Variants in ADGRE1 observed in about 807,000 individuals in gnomAD.
ADGRE1 encodes the protein EGF-like module receptor 1.
Under a neutral mutation model 102.7 loss-of-function variants are expected in ADGRE1, and 82 were observed. The ratio of observed to expected loss-of-function variants is 0.80; its 90% confidence interval spans 0.67 to 0.96. ADGRE1 has a LOEUF of 0.96. ADGRE1 is among the 40% of genes least tolerant of loss of function. The pLI is 0.00. For synonymous variants in ADGRE1, 398 were observed against 399.6 expected (o/e 1.00, Z 0.05); for missense variants, 1,032 against 1,085.3 (o/e 0.95, Z 0.69).
chr19:6,923,530 T>C (rs1421728945), intron 14 of ADGRE1, among the ~76,000 whole-genome samples: 3 of 152,000 alleles, frequency 2.0e-5, no homozygotes, highest in Non-Finnish European at 4.4e-5. Flanking sequence ...TTTTCTTTCT[T>C]TTTCTTTTTC....
chr19:6,896,438 C>T lies in ADGRE1; in HGVS notation c.135C>T (p.Ala45=). ...ACAGTACCTTGTGCCCAGCTTATGC[C>T]ACCTGCACCAATACAGTGGACAGTT... The part of the protein sequence containing the change: ...CRDSTLCPAY[A]TCTNTVDSYY... Residue 45 remains alanine, a synonymous_variant, in exon 3 of 21, where the codon GCC becomes GCT. Transcript: ENST00000312053. The T allele has an allele frequency of 6.2e-7, 1 of 1,614,110 alleles. No individual in the cohort carries two copies. Among genetic ancestry groups the T allele is most frequent in the Non-Finnish European group, 8.5e-7 (1 of 1,179,990 alleles).
At position 6,919,806 on chromosome 19, in the gene ADGRE1, C is replaced by T. The variant is rs1974565429; in HGVS notation, c.1620+59C>T. 23 of 1,534,024 alleles carry T rather than the reference C, an allele frequency of 1.5e-5. No homozygotes were observed. In the South Asian group the frequency reaches 1.7e-4, roughly 11 times the overall value. ...TACCTGTTGGGAACTCCTCGTCTCT[C>T]GATTGCCTTAACTCTCATTTTTTAC... is the stretch of plus-strand genomic sequence containing the variant. On this transcript the variant is annotated intron_variant, in intron 13 of 20. Transcript: ENST00000312053.
chr19:6,899,818 C>A (rs544750887), intron 5 of ADGRE1, among the ~76,000 whole-genome samples: 1 of 151,962 alleles, frequency 6.6e-6, no homozygotes, highest in African/African-American at 2.4e-5. Context: ...ATCAGCCGGG[C>A]GCAGTGGCTC....
At chr19:6,920,149 G>C (rs2144976260) in intron 13 of ADGRE1, among the ~76,000 whole-genome samples, 1 of 152,206 alleles carries the variant, frequency 6.6e-6, no homozygotes, top group South Asian at 2.1e-4. Context: ...GCAGGGAGGT[G>C]TGATCTGATT....
chr19:6,898,525 T>C (rs1330217021), intron 5 of ADGRE1: 1 of 1,547,436 alleles, frequency 6.5e-7, no homozygotes, highest in Non-Finnish European at 8.9e-7. Flanking sequence ...GGTGAGTTCA[T>C]GTATTTCTGA....
chr19:6,937,379 ATCT>A lies in ADGRE1; in HGVS notation c.2521_2523del (p.Phe841del). ...CATCAACAGCCTGCAGGGGGCCTTC[ATCT>A]TCCTCATCCACTGTCTGCTCAACGG... On this transcript the variant is annotated inframe_deletion, in exon 19 of 21. Transcript: ENST00000312053. The A allele has an allele frequency of 6.2e-7, 1 of 1,613,738 alleles. No individual in the cohort carries two copies. Among genetic ancestry groups the A allele is most frequent in the Non-Finnish European group, 8.5e-7 (1 of 1,179,942 alleles).
At chr19:6,911,390 T>G (rs1568347842) in intron 10 of ADGRE1, among the ~76,000 whole-genome samples, 1 of 143,572 alleles carries the variant, frequency 7.0e-6, no homozygotes, top group African/African-American at 2.5e-5. Flanking sequence ...TTTTAGTTTT[T>G]TTTTTTTTTT....
intron 11 of ADGRE1, among the ~76,000 whole-genome samples, 187 bp from the exon 12 acceptor site, chr19:6,916,062 C>G (rs1368195859): frequency 2.0e-5 from 3 of 152,080 alleles, no homozygotes; most frequent in African/African-American, 7.2e-5. Context: ...CTGGGTTACT[C>G]ATTTATTTGG....
chr19:6,919,483 G>GTGTGTGTGTTA, intron 12 of ADGRE1, 65 bp from the exon 13 acceptor site: 1 of 946,644 alleles, frequency 1.1e-6, no homozygotes, highest in Admixed American at 2.3e-5. Context: ...TGTGTGTGTT[G>GTGTGTGTGTTA]GGTCTTCTAT....
intron 15 of ADGRE1, among the ~76,000 whole-genome samples, chr19:6,925,133 G>C (rs1974843362): frequency 6.6e-6 from 1 of 151,952 alleles, no homozygotes; most frequent in African/African-American, 2.4e-5. Context: ...TTGTTTGTTT[G>C]TTTTTGATAC....
intron 18 of ADGRE1, 90 bp downstream of exon 18, chr19:6,935,168 C>G: frequency 1.0e-6 from 1 of 959,944 alleles, no homozygotes; most frequent in Non-Finnish European, 1.5e-6. Context: ...GTGCTGGGTC[C>G]TATGCCTGAG....
intron 18 of ADGRE1, among the ~76,000 whole-genome samples, chr19:6,935,900 G>T (rs978680376): frequency 1.3e-5 from 2 of 152,146 alleles, no homozygotes; most frequent in Non-Finnish European, 2.9e-5. Flanking sequence ...TTTAATGCGT[G>T]AAATATTCTA....
chr19:6,902,036 CT>C lies in ADGRE1; in HGVS notation c.661+17del. The stretch of plus-strand genomic sequence containing the variant: ...ATCGTGTGAAGGTAGGTGGGGGTGT[CT>C]TCTGAGAAGTCAGGTCCAAGTCTGT... On this transcript the variant is annotated intron_variant, in intron 6 of 20. Coordinates refer to ENST00000312053, the MANE Select transcript of ADGRE1 (RefSeq NM_001974.5). 1.2e-6 allele frequency: 2 copies of C among 1,613,950 alleles called. No homozygotes were observed. Among genetic ancestry groups the C allele is most frequent in the Non-Finnish European group, 1.7e-6 (2 of 1,179,912 alleles).
chr19:6,933,547 C>A (rs1374522763), intron 17 of ADGRE1, among the ~76,000 whole-genome samples: 1 of 152,084 alleles, frequency 6.6e-6, no homozygotes, highest in Non-Finnish European at 1.5e-5. Flanking sequence ...AGCACCACGG[C>A]CAGCTAATTT....
At chr19:6,898,488 G>A in intron 5 of ADGRE1, 1 of 1,580,428 alleles carries the variant, frequency 6.3e-7, no homozygotes, top group East Asian at 2.2e-5. Flanking sequence ...TCCCAGGGAT[G>A]GGTCTTGAGT....
At chr19:6,920,845 A>G (rs1477058463) in intron 13 of ADGRE1, among the ~76,000 whole-genome samples, 1 of 152,084 alleles carries the variant, frequency 6.6e-6, no homozygotes, top group Non-Finnish European at 1.5e-5. Flanking sequence ...TTGTTCTTAA[A>G]CTGTTACTAA....
chr19:6,906,365 A>G, intron 8 of ADGRE1, 68 bp from the exon 9 acceptor site: 1 of 1,412,840 alleles, frequency 7.1e-7, no homozygotes, highest in South Asian at 1.2e-5. Flanking sequence ...ACATGAAATC[A>G]GACTTGAATT....
chr19:6,929,844 T>C (rs1975070062), intron 17 of ADGRE1, among the ~76,000 whole-genome samples: 1 of 152,064 alleles, frequency 6.6e-6, no homozygotes, highest in African/African-American at 2.4e-5. Flanking sequence ...TTAGTAGAGA[T>C]GGGGTTTCAC....
intron 5 of ADGRE1, among the ~76,000 whole-genome samples, chr19:6,901,185 A>G (rs1050965388): frequency 1.3e-5 from 2 of 152,246 alleles, no homozygotes; most frequent in African/African-American, 4.8e-5. Context: ...GATTTTCACC[A>G]TGTAGCTACA....
Sources: allele counts gnomAD v4.1 joint callset (sites outside exome capture counted in the v4.1 genomes callset), GRCh38; gene constraint gnomAD v4.1.1; transcripts MANE v1.5; gene names NCBI Gene and HGNC (gene_info 2026-07-23, HGNC 2026-07-21).